Variants in MYBPC1 observed in about 807,000 individuals in gnomAD.
The protein encoded by MYBPC1 is myosin binding protein C1, also known as myosin-binding protein C, slow-type.
In MYBPC1, 52 loss-of-function variants were observed where a neutral mutation model predicts 147.1. The ratio of observed to expected loss-of-function variants is 0.35; its 90% CI spans 0.28 to 0.45. The LOEUF (loss-of-function observed/expected upper bound fraction) is 0.45, where lower values mean the gene tolerates loss of function less well. Ranked by LOEUF, MYBPC1 falls within the 20% of genes least tolerant of loss-of-function variation. The probability of loss-of-function intolerance (pLI) is 1.00; values close to 1 mark genes in which losing one functional copy is unlikely to be tolerated. For synonymous variants in MYBPC1, 477 were observed against 475.9 expected (o/e 1.00, Z -0.03); for missense variants, 1,228 against 1,440.3 (o/e 0.85, Z 2.39).
intron 11 of MYBPC1, 110 bp from the exon 12 acceptor site, chr12:101,644,554 G>A: frequency 9.7e-7 from 1 of 1,034,870 alleles, no homozygotes; most frequent in Non-Finnish European, 1.5e-6. Flanking sequence ...TTTTTTTCTT[G>A]AGATTCATTT....
chr12:101,646,638 C>A (rs1893208993), intron 12 of MYBPC1, 125 bp from the exon 13 acceptor site: 1 of 1,103,010 alleles, frequency 9.1e-7, no homozygotes, highest in Non-Finnish European at 1.3e-6. Flanking sequence ...GACCCTGTCT[C>A]AAAAAAAAAC....
At chr12:101,613,682 C>T (rs1399697859) in intron 1 of MYBPC1, among the ~76,000 whole-genome samples, 2 of 152,208 alleles carry the variant, frequency 1.3e-5, no homozygotes, top group Non-Finnish European at 2.9e-5. Flanking sequence ...CTTTGTCAGA[C>T]TTCATAGCCA....
At position 101,631,871 on chromosome 12, in the gene MYBPC1, C is replaced by T. The variant is rs562942337; in HGVS notation, c.439-150C>T. 292 of 1,337,776 alleles carry T rather than the reference C, an allele frequency of 2.2e-4. 3 individuals carry two copies. In the Middle Eastern group the frequency reaches 4.5e-3, roughly 21 times the overall value. 82.9% of individuals were successfully genotyped at this position (1,337,776 alleles called of 1,614,324 possible). On this transcript the variant is annotated intron_variant, in intron 7 of 31. Transcript: ENST00000361466. ...GTGTCTACACTCTATTGCGATTGCC[C>T]GGCTGTGTCCGGGGGCTACAGGACA...
At chr12:101,671,599 G>T (rs147662508) in intron 24 of MYBPC1, among the ~76,000 whole-genome samples, 99 of 152,316 alleles carry the variant, frequency 6.5e-4, no homozygotes, top group Non-Finnish European at 1.2e-3. Context: ...TCCTTCTCTT[G>T]CAGCATCAAA....
the MYBPC1 span, among the ~76,000 whole-genome samples, chr12:101,693,107 C>T: frequency 2.4e-4 from 36 of 152,028 alleles, no homozygotes; most frequent in East Asian, 2.3e-3. Flanking sequence ...CCACCACGCG[C>T]GGCTAATTTT....
intron 1 of MYBPC1, among the ~76,000 whole-genome samples, chr12:101,603,671 A>T (rs1881030312): frequency 6.6e-6 from 1 of 151,854 alleles, no homozygotes; most frequent in South Asian, 2.1e-4. Context: ...ATCAGGTACA[A>T]TGGCTCATGC....
intron 30 of MYBPC1, 35 bp from the exon 31 acceptor site, chr12:101,684,347 A>T (rs1357121462): frequency 4.2e-5 from 62 of 1,463,992 alleles, no homozygotes; most frequent in Non-Finnish European, 5.4e-5. Context: ...AATGCTTACG[A>T]CTTCTCTCTC....
intron 26 of MYBPC1, among the ~76,000 whole-genome samples, chr12:101,676,114 C>T (rs576032976): frequency 6.6e-6 from 1 of 152,166 alleles, no homozygotes; most frequent in Non-Finnish European, 1.5e-5. Flanking sequence ...CATCAGCTAT[C>T]GTTAGCGTTA....
chr12:101,672,066 A>G (rs1898852589), intron 24 of MYBPC1, among the ~76,000 whole-genome samples: 1 of 152,206 alleles, frequency 6.6e-6, no homozygotes, highest in Non-Finnish European at 1.5e-5. Flanking sequence ...CCGGTCACTT[A>G]ATTCAGTGGT....
chr12:101,630,580 G>T (rs550734427), intron 6 of MYBPC1, among the ~76,000 whole-genome samples: 1 of 152,104 alleles, frequency 6.6e-6, no homozygotes, highest in Non-Finnish European at 1.5e-5. Context: ...CTACACATGC[G>T]CTAGGTCATA....
At position 101,651,376 on chromosome 12, in the gene MYBPC1, G is replaced by A. The variant is rs757634677; in HGVS notation, c.1509G>A (p.Lys503=). ...CTGTTCAGGAGAGTGACCGTCTAAA[G>A]GTGGTTCACAAGGGAAGGTAAGCGA... ...GLPVQESDRL[K]VVHKGRIHKL... is the part of the protein sequence containing the mutation. The change falls in exon 16 of 32, where the codon AAG becomes AAA. Residue 503 remains lysine (K), a synonymous_variant. Coordinates refer to ENST00000361466, the MANE Select transcript of MYBPC1 (RefSeq NM_002465.4). 2.5e-6 allele frequency: 4 copies of A among 1,614,128 alleles called. No homozygotes were observed. In the South Asian group the frequency reaches 4.4e-5, roughly 18 times the overall value.
At chr12:101,686,571 T>C (rs1260480307), downstream of MYBPC1, among the ~76,000 whole-genome samples, 1 of 152,248 alleles carries the variant, frequency 6.6e-6, no homozygotes. Context: ...CTTCCTGATA[T>C]AAAGTTTCAG....
chr12:101,685,601 A>T lies in MYBPC1; in HGVS notation c.*39A>T. The T allele has an allele frequency of 6.5e-7, 1 of 1,533,178 alleles. No individual in the cohort carries two copies. The highest frequency in any genetic ancestry group is 8.7e-7 in the Non-Finnish European group (1 of 1,144,734). The allele number at this position is 1,533,178 out of a possible 1,614,324, so 95.0% of individuals were successfully genotyped here. ...CTCTAGGTGGGCTCTCCTTCTGCAG[A>T]CTCCTCTTGCAAGGCGTACCTCCAA... On this transcript the variant is annotated 3_prime_UTR_variant, in exon 32 of 32. Transcript: ENST00000361466.
At chr12:101,603,277 G>A (rs367710826) in intron 1 of MYBPC1, among the ~76,000 whole-genome samples, 8 of 151,960 alleles carry the variant, frequency 5.3e-5, no homozygotes, top group African/African-American at 9.7e-5. Flanking sequence ...CTGGGAGAAC[G>A]GAGGTTGTGG....
chr12:101,643,188 C>T (rs1370389254), intron 11 of MYBPC1, among the ~76,000 whole-genome samples: 1 of 152,006 alleles, frequency 6.6e-6, no homozygotes, highest in African/African-American at 2.4e-5. Flanking sequence ...ATATATCAAT[C>T]CTATTATTGT....
downstream of MYBPC1, among the ~76,000 whole-genome samples, chr12:101,689,978 C>A (rs894356115): frequency 6.6e-6 from 1 of 152,154 alleles, no homozygotes; most frequent in Non-Finnish European, 1.5e-5. Context: ...AGTTGGAGAC[C>A]AGCCTGGCCA....
intron 14 of MYBPC1, 28 bp from the exon 15 acceptor site, chr12:101,649,232 A>G: frequency 1.9e-6 from 3 of 1,602,084 alleles, no homozygotes; most frequent in Non-Finnish European, 1.7e-6. Flanking sequence ...TCTTTTACAA[A>G]CCTTTTTAAT....
At chr12:101,692,356 C>G in the MYBPC1 span, among the ~76,000 whole-genome samples, 15 of 152,184 alleles carry the variant, frequency 9.9e-5, no homozygotes, top group South Asian at 3.1e-3. Flanking sequence ...TGGACTGTTC[C>G]ATATTGACAA....
intron 10 of MYBPC1, among the ~76,000 whole-genome samples, chr12:101,638,075 C>T (rs1057496709): frequency 2.0e-5 from 3 of 152,182 alleles, no homozygotes; most frequent in African/African-American, 7.2e-5. Flanking sequence ...GACCCAAACC[C>T]AAGTTTCCCT....
Sources: gnomAD v4.1 joint callset for allele counts (sites outside exome capture counted in the v4.1 genomes callset) on GRCh38, gnomAD v4.1.1 for gene constraint, MANE v1.5 for transcripts, NCBI Gene and HGNC (gene_info 2026-07-23, HGNC 2026-07-21) for gene names.